Variants in SFMBT2 observed in about 807,000 individuals in gnomAD.
SFMBT2 encodes scm-like with four MBT domains protein 2.
SFMBT2 carries 38 observed loss-of-function variants against 110.1 expected under a neutral mutation model. The ratio of observed to expected loss-of-function variants is 0.35; its 90% CI spans 0.27 to 0.45. The LOEUF (loss-of-function observed/expected upper bound fraction) is 0.45, where lower values mean the gene tolerates loss of function less well. Among genes scored for constraint, SFMBT2 ranks in the 20% least tolerant of loss-of-function variants. SFMBT2 has a pLI of 1.00. For synonymous variants in SFMBT2, 425 were observed against 425.4 expected (o/e 1.00, Z 0.01); for missense variants, 1,011 against 1,094.9 (o/e 0.92, Z 1.08).
intron 7 of SFMBT2, chr10:7,249,397 G>A: frequency 2.1e-6 from 1 of 477,806 alleles, no homozygotes; most frequent in African/African-American, 2.1e-5. Context: ...AGGTTGGCTG[G>A]ACTCTGGATA....
intron 4 of SFMBT2, among the ~76,000 whole-genome samples, chr10:7,331,546 C>T (rs1348153841): frequency 6.6e-6 from 1 of 152,176 alleles, no homozygotes; most frequent in Non-Finnish European, 1.5e-5. Context: ...ACATGCAGAA[C>T]TTTTCAGAAG....
intron 1 of SFMBT2, among the ~76,000 whole-genome samples, chr10:7,388,084 C>T (rs909359089): frequency 3.9e-5 from 6 of 152,254 alleles, no homozygotes; most frequent in African/African-American, 1.2e-4. Context: ...AGCGGCATCA[C>T]GCCCATTCAT....
At chr10:7,240,956 C>A (rs997152770) in intron 9 of SFMBT2, among the ~76,000 whole-genome samples, 5 of 152,066 alleles carry the variant, frequency 3.3e-5, no homozygotes, top group African/African-American at 1.2e-4. Flanking sequence ...TGTCCTCACC[C>A]AAATCTCATC....
intron 1 of SFMBT2, among the ~76,000 whole-genome samples, chr10:7,388,507 C>A (rs895670031): frequency 1.3e-5 from 2 of 150,590 alleles, no homozygotes; most frequent in Admixed American, 6.6e-5. Context: ...ACAGGTGCAC[C>A]TGACCATACC....
chr10:7,314,433 C>T (rs1407696916), intron 4 of SFMBT2, among the ~76,000 whole-genome samples: 1 of 152,206 alleles, frequency 6.6e-6, no homozygotes, highest in Non-Finnish European at 1.5e-5. Flanking sequence ...GCTATGCAAA[C>T]CACACAAGAG....
intron 9 of SFMBT2, among the ~76,000 whole-genome samples, chr10:7,235,263 T>G (rs1840219694): frequency 6.6e-6 from 1 of 152,092 alleles, no homozygotes. Context: ...AGTGGATGGA[T>G]AGAGACAGTA....
intron 16 of SFMBT2, among the ~76,000 whole-genome samples, chr10:7,177,103 C>T (rs1041456100): frequency 1.3e-5 from 2 of 152,128 alleles, no homozygotes; most frequent in South Asian, 2.1e-4. Context: ...TCCATGGCTT[C>T]GGTTGCTTTC....
At chr10:7,319,139 C>T (rs1199519188) in intron 4 of SFMBT2, among the ~76,000 whole-genome samples, 1 of 152,214 alleles carries the variant, frequency 6.6e-6, no homozygotes, top group Non-Finnish European at 1.5e-5. Flanking sequence ...TCCCTCAGAA[C>T]TTCTAGGCAA....
chr10:7,230,893 C>CT (rs1278075421), intron 9 of SFMBT2, among the ~76,000 whole-genome samples: 1 of 152,162 alleles, frequency 6.6e-6, no homozygotes, highest in Non-Finnish European at 1.5e-5. Context: ...CATCACACCA[C>CT]TGCACTCCAG....
chr10:7,261,925 A>C (rs751496778), intron 7 of SFMBT2, among the ~76,000 whole-genome samples: 13 of 152,238 alleles, frequency 8.5e-5, no homozygotes, highest in Non-Finnish European at 1.9e-4. Context: ...TCAGGAATGA[A>C]CAGTCCCCAC....
chr10:7,315,112 A>AAAG lies in SFMBT2; in HGVS notation c.437-29159_437-29158insCTT, dbSNP rs1564435697. Reference sequence around the variant, plus strand: ...AGAAAGAAAGAAAGAAAGAAAGAAAAAGCAAGCAAGCAAGCCAGCCAATCC... The same window carrying AAAG: ...AGAAAGAAAGAAAGAAAGAAAGAAAAAAGAGCAAGCAAGCAAGCCAGCCAATCC... On this transcript the variant is annotated intron_variant, in intron 4 of 20. Transcript: ENST00000397167. Among the ~76,000 whole-genome samples, 270 of 109,462 alleles carry AAAG rather than the reference A, an allele frequency of 2.5e-3. 1 individual carries two copies. The highest frequency in any genetic ancestry group is 4.6e-3 in the Middle Eastern group (1 of 218). The allele number at this position is 109,462 out of a possible 152,430, so 71.8% of individuals were successfully genotyped here.
At chr10:7,184,990 G>A (rs1259707946) in intron 16 of SFMBT2, among the ~76,000 whole-genome samples, 1 of 152,128 alleles carries the variant, frequency 6.6e-6, no homozygotes, top group Admixed American at 6.5e-5. Flanking sequence ...TGGACTTCAG[G>A]GTCGGGAGAA....
At chr10:7,283,362 G>T (rs1842000478) in intron 6 of SFMBT2, among the ~76,000 whole-genome samples, 1 of 152,176 alleles carries the variant, frequency 6.6e-6, no homozygotes. Context: ...TCTACTCAAT[G>T]CTGCTTCTTG....
rs993608351 is a variant in SFMBT2, at chr10:7,358,440, G to A, written c.436+9209C>T. Among the ~76,000 whole-genome samples the A allele has an allele frequency of 6.6e-5, 10 of 152,060 alleles. No homozygotes were observed. In the South Asian group the frequency reaches 1.0e-3, roughly 16 times the overall value. On this transcript the variant is annotated intron_variant, in intron 4 of 20. Transcript: ENST00000397167. ...GCCCTAGAACATCTGCATGGCCCTAGAACATCTGCATGGCCCTGGAATGGA... is the reference window on the plus strand; with the variant it reads ...GCCCTAGAACATCTGCATGGCCCTAAAACATCTGCATGGCCCTGGAATGGA...
At chr10:7,175,541 T>C (rs1838028260) in intron 17 of SFMBT2, among the ~76,000 whole-genome samples, 1 of 152,064 alleles carries the variant, frequency 6.6e-6, no homozygotes, top group Non-Finnish European at 1.5e-5. Flanking sequence ...CGTCTAAACA[T>C]GAGAAGCCGA....
At chr10:7,346,965 G>A (rs1031621015) in intron 4 of SFMBT2, among the ~76,000 whole-genome samples, 2 of 151,888 alleles carry the variant, frequency 1.3e-5, no homozygotes, top group Non-Finnish European at 2.9e-5. Flanking sequence ...GCTCCAGCCT[G>A]GGCGACAAAA....
rs566264807 is a variant in SFMBT2, at chr10:7,226,189, G to A, written c.1203+1666C>T. Among the ~76,000 whole-genome samples, 103 of 152,332 alleles carry A rather than the reference G, an allele frequency of 6.8e-4. 1 individual carries two copies. In the Middle Eastern group the frequency reaches 0.01, roughly 15 times the overall value. On this transcript the variant is annotated intron_variant, in intron 10 of 20. Coordinates refer to ENST00000397167, the MANE Select transcript of SFMBT2 (RefSeq NM_001387889.1). ...TTTGACTGCTCCCCGGATCATGCAG[G>A]TGCCAGGCAGGCTCCAAGCAGCCTA... is the stretch of plus-strand genomic sequence containing the variant.
chr10:7,286,912 T>C (rs570089503), intron 4 of SFMBT2, among the ~76,000 whole-genome samples: 1 of 152,044 alleles, frequency 6.6e-6, no homozygotes, highest in Non-Finnish European at 1.5e-5. Context: ...AAATGGGACA[T>C]CTCTGTATAA....
chr10:7,198,354 C>T (rs867447332), intron 14 of SFMBT2, among the ~76,000 whole-genome samples: 4 of 152,230 alleles, frequency 2.6e-5, no homozygotes, highest in Non-Finnish European at 5.9e-5. Context: ...GTCAACAGTG[C>T]TTTCATGAAT....
Sources: gnomAD v4.1 joint callset for allele counts (sites outside exome capture counted in the v4.1 genomes callset) on GRCh38, gnomAD v4.1.1 for gene constraint, MANE v1.5 for transcripts, NCBI Gene and HGNC (gene_info 2026-07-23, HGNC 2026-07-21) for gene names.